The following VRK2 variants were observed in gnomAD, a reference collection of about 807,000 sequenced individuals.
VRK2 encodes the protein VRK serine/threonine kinase 2.
VRK2 carries 60 observed loss-of-function variants against 57.6 expected under a neutral mutation model. The observed-to-expected ratio is 1.04, with a 90% CI of 0.85 to 1.29. VRK2 has a LOEUF of 1.29. Among genes scored for constraint, VRK2 ranks in the 50% most tolerant of loss-of-function variants. The probability of loss-of-function intolerance (pLI) is 0.00; values close to 1 mark genes in which losing one functional copy is unlikely to be tolerated. For synonymous variants in VRK2, 231 were observed against 199.2 expected (o/e 1.16, Z -1.35); for missense variants, 705 against 588.1 (o/e 1.20, Z -2.06).
intron 2 of VRK2, among the ~76,000 whole-genome samples, chr2:58,058,837 G>A (rs2103871937): frequency 6.6e-6 from 1 of 152,072 alleles, no homozygotes; most frequent in South Asian, 2.1e-4. Flanking sequence ...ATTACCTCCT[G>A]GCCACAATTT....
At chr2:58,052,446 C>T (rs115529424) in intron 2 of VRK2, among the ~76,000 whole-genome samples, 14,094 of 151,740 alleles carry the variant, frequency 0.093, 707 homozygotes, top group East Asian at 0.1. Flanking sequence ...TCTACTAAAA[C>T]ACAAAAAATT....
intron 12 of VRK2, 74 bp downstream of exon 12, chr2:58,146,548 T>C: frequency 1.3e-6 from 2 of 1,503,928 alleles, no homozygotes; most frequent in Non-Finnish European, 1.8e-6. Flanking sequence ...AATAAAAACA[T>C]CTTATTTTCT....
chr2:57,956,859 GTA>G (rs1671602218), intron 1 of VRK2, among the ~76,000 whole-genome samples: 1 of 152,126 alleles, frequency 6.6e-6, no homozygotes, highest in Non-Finnish European at 1.5e-5. Context: ...GTCTGCCATT[GTA>G]TTAAATATCA....
chr2:58,146,278 G>C (rs1430715904), intron 11 of VRK2, 38 bp from the exon 12 acceptor site: 1 of 1,520,984 alleles, frequency 6.6e-7, no homozygotes, highest in Non-Finnish European at 8.8e-7. Context: ...AATACCAAAA[G>C]TTTTCATTAT....
chr2:58,159,845 A>C lies in VRK2; in HGVS notation c.*152A>C. The C allele has an allele frequency of 6.2e-7, 1 of 1,608,240 alleles. No homozygotes were observed. On this transcript the variant is annotated 3_prime_UTR_variant, in exon 13 of 13. Coordinates refer to ENST00000340157, the MANE Select transcript of VRK2 (RefSeq NM_006296.7). ...TTTAACAAAGTTTGTGGACACTCTA[A>C]AAAATAAAATTGCTTTGTACTAGAA...
intron 1 of VRK2, among the ~76,000 whole-genome samples, chr2:57,942,984 G>A (rs865797472): frequency 6.6e-6 from 1 of 152,104 alleles, no homozygotes; most frequent in African/African-American, 2.4e-5. Context: ...ATAGAAAAGG[G>A]AAAATATCAA....
chr2:58,087,969 G>A (rs746439283), intron 5 of VRK2, among the ~76,000 whole-genome samples: 1 of 152,076 alleles, frequency 6.6e-6, no homozygotes, highest in African/African-American at 2.4e-5. Flanking sequence ...CCTGGTGACA[G>A]AGCGGGACTC....
intron 7 of VRK2, among the ~76,000 whole-genome samples, chr2:58,114,991 G>T (rs934031463): frequency 3.3e-5 from 5 of 152,120 alleles, no homozygotes; most frequent in Non-Finnish European, 5.9e-5. Context: ...AAGGGAGGGG[G>T]CCTGAATAAT....
At chr2:58,043,320 G>A (rs1405677918), upstream of VRK2, among the ~76,000 whole-genome samples, 1 of 151,942 alleles carries the variant, frequency 6.6e-6, no homozygotes, top group Non-Finnish European at 1.5e-5. Flanking sequence ...CTTTTAAATC[G>A]ATTTTATTAA....
chr2:57,984,853 A>G (rs1031048632), intron 1 of VRK2, among the ~76,000 whole-genome samples: 2 of 152,126 alleles, frequency 1.3e-5, no homozygotes, highest in African/African-American at 4.8e-5. Context: ...AGGGATCATT[A>G]TAAAATAAGC....
At chr2:58,054,876 G>C (rs534541274) in intron 2 of VRK2, among the ~76,000 whole-genome samples, 3 of 152,234 alleles carry the variant, frequency 2.0e-5, no homozygotes, top group East Asian at 3.9e-4. Flanking sequence ...TATTTTAGGA[G>C]AAAAGATAGA....
At chr2:58,020,012 A>G (rs1267982469) in intron 1 of VRK2, among the ~76,000 whole-genome samples, 1 of 152,242 alleles carries the variant, frequency 6.6e-6, no homozygotes, top group Non-Finnish European at 1.5e-5. Context: ...ATATTAAAAC[A>G]TGTAGAAGGT....
At chr2:57,940,392 G>T (rs1671054783) in intron 1 of VRK2, among the ~76,000 whole-genome samples, 1 of 152,152 alleles carries the variant, frequency 6.6e-6, no homozygotes, top group Admixed American at 6.6e-5. Context: ...CAACAGGTTA[G>T]ATGGTGCCCA....
intron 1 of VRK2, among the ~76,000 whole-genome samples, chr2:57,935,693 A>G (rs1351122439): frequency 6.6e-6 from 1 of 152,102 alleles, no homozygotes; most frequent in Non-Finnish European, 1.5e-5. Context: ...TGTGCTGATT[A>G]CCTTAGTAAT....
rs1462153160 is a variant in VRK2 at position 57,976,196 on chromosome 2, T to C, written c.-438-49469T>C. Among the ~76,000 whole-genome samples, 6 of 152,288 alleles carry C rather than the reference T, an allele frequency of 3.9e-5. No individual in the cohort carries two copies. The South Asian group carries it at 1.0e-3, about 26-fold the overall frequency. Reference sequence around the variant, plus strand: ...CTAGGCTGATTCTATATCTTCACTATTGTGAATAGTGTTGTGATGAACATA... The same window carrying C: ...CTAGGCTGATTCTATATCTTCACTACTGTGAATAGTGTTGTGATGAACATA... On this transcript the variant is annotated intron_variant, in intron 1 of 15. Transcript: ENST00000417641.
chr2:57,997,619 C>T (rs1385863061), intron 1 of VRK2, among the ~76,000 whole-genome samples: 2 of 152,124 alleles, frequency 1.3e-5, no homozygotes, highest in African/African-American at 2.4e-5. Context: ...AACTGGGATG[C>T]AGGCCAGGCA....
Position 57,919,031 on chromosome 2 carries a change from GT to G in VRK2, c.-439+11197del, listed in dbSNP as rs141029208. On this transcript the variant is annotated intron_variant, in intron 1 of 15. Coordinates refer to the VRK2 transcript ENST00000417641. ...TGTTCTATTGACCATCTTGGTTAAA[GT>G]TTTTGGTTTGCAAAGTATAAAAATA... Among the ~76,000 whole-genome samples, 920 of 152,174 alleles carry G rather than the reference GT, an allele frequency of 6.0e-3. 10 individuals carry two copies. Among genetic ancestry groups the G allele is most frequent in the African/African-American group, 0.021 (867 of 41,550 alleles).
intron 7 of VRK2, among the ~76,000 whole-genome samples, chr2:58,107,983 G>A (rs1329559645): frequency 6.6e-6 from 1 of 152,038 alleles, no homozygotes; most frequent in African/African-American, 2.4e-5. Flanking sequence ...ACCCTTGTTG[G>A]GAAAGAGGCC....
intron 1 of VRK2, among the ~76,000 whole-genome samples, chr2:57,951,369 G>T (rs1331575441): frequency 6.6e-6 from 1 of 152,148 alleles, no homozygotes; most frequent in Non-Finnish European, 1.5e-5. Context: ...AAAGAAAGTG[G>T]TTTCCTGAGA....
Sources: allele counts gnomAD v4.1 joint callset (sites outside exome capture counted in the v4.1 genomes callset), GRCh38; gene constraint gnomAD v4.1.1; transcripts MANE v1.5; gene names NCBI Gene and HGNC (gene_info 2026-07-23, HGNC 2026-07-21).